DERA: variants seen among roughly 807,000 people sequenced by gnomAD.
DERA encodes the protein 2-deoxy-D-ribose 5-phosphate aldolase.
A neutral mutation model predicts 41.1 loss-of-function variants in DERA; 15 were observed. The observed-to-expected ratio is 0.37, with a 90% CI of 0.24 to 0.56. The LOEUF (loss-of-function observed/expected upper bound fraction) is 0.56, where lower values mean the gene tolerates loss of function less well. Ranked by LOEUF, DERA falls within the 20% of genes least tolerant of loss-of-function variation. The pLI is 0.81. For synonymous variants in DERA, 139 were observed against 137.4 expected, an observed-to-expected ratio of 1.01 and a Z score of -0.08; for missense variants, 396 against 403.4, an observed-to-expected ratio of 0.98 and a Z score of 0.16.
At position 15,982,633 on chromosome 12, in the gene DERA, G is replaced by T. The variant is rs558330093; in HGVS notation, c.637+197G>T. On this transcript the variant is annotated intron_variant, in intron 6 of 8. Transcript: ENST00000428559. This position sits in a 1 kb window ranked among gnomAD's most constrained non-coding sequence, Gnocchi z 4.0. ...CTGGCTTTCTTCCACATTTTTTTTT[G>T]TGTGTGTGTGGCATTTCATTGCTGC... is the stretch of plus-strand genomic sequence containing the variant. Among the ~76,000 whole-genome samples, 77 of 151,764 alleles carry T rather than the reference G, an allele frequency of 5.1e-4. No homozygotes were observed. Among genetic ancestry groups the T allele is most frequent in the Middle Eastern group, 6.8e-3 (2 of 294 alleles).
rs3782550 is a variant in DERA at position 15,965,936 on chromosome 12, G to A, written c.508+2989G>A. Reference sequence around the variant, plus strand: ...CTATCTATTGGGCATTCTTTCTTCCGTGTCATCAGCCTTTCTGCCAGCTCA... The same window carrying A: ...CTATCTATTGGGCATTCTTTCTTCCATGTCATCAGCCTTTCTGCCAGCTCA... On this transcript the variant is annotated intron_variant, in intron 5 of 8. Coordinates refer to ENST00000428559, the MANE Select transcript of DERA (RefSeq NM_015954.4). This position sits in a 1 kb window ranked among gnomAD's most constrained non-coding sequence, Gnocchi z 4.1. Among the ~76,000 whole-genome samples the A allele has an allele frequency of 6.5e-3, 993 of 151,998 alleles. 36 individuals carry two copies. In the East Asian group the frequency reaches 0.091, roughly 14 times the overall value.
chr12:15,973,069 C>A (rs1948674539), intron 5 of DERA, among the ~76,000 whole-genome samples: 2 of 152,070 alleles, frequency 1.3e-5, no homozygotes, highest in African/African-American at 4.8e-5. Flanking sequence ...ACTGACACAG[C>A]CTCACTTGTT....
chr12:15,945,652 T>G (rs1948441750), intron 1 of DERA, among the ~76,000 whole-genome samples: 1 of 152,222 alleles, frequency 6.6e-6, no homozygotes, highest in South Asian at 2.1e-4. Context: ...TTTCTAGATA[T>G]ACAATCGTGT....
rs1034394621 is a variant in DERA, at chr12:15,988,138, C to T, written c.637+5702C>T. 6.6e-6 allele frequency among the ~76,000 whole-genome samples: 1 copy of T among 152,176 alleles called. No homozygotes were observed. The highest frequency in any genetic ancestry group is 6.5e-5 in the Admixed American group (1 of 15,280). ...CCCCAAAGAGGGTGTTACAGCATGTCACAGGCCTAGCTGGGGGAGCCCTGA... is the reference window on the plus strand; with the variant it reads ...CCCCAAAGAGGGTGTTACAGCATGTTACAGGCCTAGCTGGGGGAGCCCTGA... On this transcript the variant is annotated intron_variant, in intron 6 of 8. Coordinates refer to ENST00000428559, the MANE Select transcript of DERA (RefSeq NM_015954.4). This position sits in a 1 kb window ranked among gnomAD's most constrained non-coding sequence, Gnocchi z 6.0.
intron 5 of DERA, among the ~76,000 whole-genome samples, chr12:15,971,276 T>C (rs886519672): frequency 6.6e-6 from 1 of 152,052 alleles, no homozygotes; most frequent in Non-Finnish European, 1.5e-5. Flanking sequence ...TTTCCTCACA[T>C]GTGCTCCTAG....
chr12:15,946,122 C>T (rs1405309522), intron 1 of DERA, among the ~76,000 whole-genome samples: 7 of 152,080 alleles, frequency 4.6e-5, no homozygotes, highest in Admixed American at 6.6e-5. Context: ...CTGCTGGATT[C>T]GGTTTGCCAG....
chr12:15,952,825 T>C (rs1948508693), intron 1 of DERA, among the ~76,000 whole-genome samples: 1 of 152,242 alleles, frequency 6.6e-6, no homozygotes. Flanking sequence ...AAGTAAGCCA[T>C]AGTCAGTCAA....
chr12:16,032,111 T>A (rs1949096498), intron 6 of DERA, among the ~76,000 whole-genome samples: 1 of 152,226 alleles, frequency 6.6e-6, no homozygotes, highest in Non-Finnish European at 1.5e-5. Context: ...TCTTGAGCTG[T>A]CACAACTGTA....
chr12:16,012,309 G>C lies in DERA; in HGVS notation c.638-20233G>C, dbSNP rs541657512. Among the ~76,000 whole-genome samples the C allele has an allele frequency of 7.9e-5, 12 of 152,290 alleles. No homozygotes were observed. In the East Asian group the frequency reaches 2.3e-3, roughly 29 times the overall value. ...AAGCCAGTTCCAGAACAGGATTAAGGGGCCAGCCAGCTGGGCAGTTTCCCA... is the reference window on the plus strand; with the variant it reads ...AAGCCAGTTCCAGAACAGGATTAAGCGGCCAGCCAGCTGGGCAGTTTCCCA... On this transcript the variant is annotated intron_variant, in intron 6 of 8. Coordinates refer to ENST00000428559, the MANE Select transcript of DERA (RefSeq NM_015954.4). The surrounding 1 kb of genome is among the most constrained non-coding windows in gnomAD (Gnocchi z 4.1).
rs998518072 is a variant in DERA, at chr12:15,992,272, T to C, written c.637+9836T>C. ...AGAAGCAAAAAGAAATTTGAAAATTTAGATGCCTCTTTCCAGATGTGCCAA... is the reference window on the plus strand; with the variant it reads ...AGAAGCAAAAAGAAATTTGAAAATTCAGATGCCTCTTTCCAGATGTGCCAA... On this transcript the variant is annotated intron_variant, in intron 6 of 8. Coordinates refer to ENST00000428559, the MANE Select transcript of DERA (RefSeq NM_015954.4). The surrounding 1 kb of genome is among the most constrained non-coding windows in gnomAD (Gnocchi z 4.3). Among the ~76,000 whole-genome samples the C allele has an allele frequency of 3.3e-5, 5 of 152,162 alleles. No homozygotes were observed. Among genetic ancestry groups the C allele is most frequent in the Admixed American group, 2.6e-4 (4 of 15,280 alleles).
At chr12:15,930,422 T>C (rs1235648650) in intron 1 of DERA, among the ~76,000 whole-genome samples, 1 of 152,220 alleles carries the variant, frequency 6.6e-6, no homozygotes, top group Non-Finnish European at 1.5e-5. Context: ...TCCCAAGTTC[T>C]TTTATTTTTC....
chr12:15,949,111 TGGG>T (rs924857214), intron 1 of DERA, among the ~76,000 whole-genome samples: 1 of 152,132 alleles, frequency 6.6e-6, no homozygotes, highest in African/African-American at 2.4e-5. Context: ...CTGCTCCTAC[TGGG>T]GGGTGCCTCC....
At position 15,996,294 on chromosome 12, in the gene DERA, T is replaced by A. The variant is rs1391923304; in HGVS notation, c.637+13858T>A. 6.6e-6 allele frequency among the ~76,000 whole-genome samples: 1 copy of A among 151,830 alleles called. No homozygotes were observed. Among genetic ancestry groups the A allele is most frequent in the African/African-American group, 2.4e-5 (1 of 41,342 alleles). On this transcript the variant is annotated intron_variant, in intron 6 of 8. Transcript: ENST00000428559. This position sits in a 1 kb window ranked among gnomAD's most constrained non-coding sequence, Gnocchi z 4.7. ...GTTTCTTGGGCTCGCTGTAACAGAG[T>A]ACCGCAAATTAGATGGCCTTAAGCA...
rs1316246856 is a variant in DERA at position 16,000,350 on chromosome 12, G to C, written c.637+17914G>C. On this transcript the variant is annotated intron_variant, in intron 6 of 8. Coordinates refer to ENST00000428559, the MANE Select transcript of DERA (RefSeq NM_015954.4). This position sits in a 1 kb window ranked among gnomAD's most constrained non-coding sequence, Gnocchi z 4.8. Reference sequence around the variant, plus strand: ...ACGTTTTTAAGGAAATCTGATGAAGGCTATGAAGGTGAAAGAAAGGCTATT... The same window carrying C: ...ACGTTTTTAAGGAAATCTGATGAAGCCTATGAAGGTGAAAGAAAGGCTATT... Among the ~76,000 whole-genome samples the C allele has an allele frequency of 1.3e-5, 2 of 152,174 alleles. No homozygotes were observed. Among genetic ancestry groups the C allele is most frequent in the African/African-American group, 4.8e-5 (2 of 41,440 alleles).
rs1294512421 is a variant in DERA, at chr12:16,036,609, A to G, written c.901-81A>G. On this transcript the variant is annotated intron_variant, in intron 8 of 8. Transcript: ENST00000428559. The surrounding 1 kb of genome is among the most constrained non-coding windows in gnomAD (Gnocchi z 4.9). ...AATGAAATGTTCATTAAAACTATTT[A>G]TTATTATTTGATAGTATAATTATTA... 1 of 1,119,526 alleles carries G rather than the reference A, an allele frequency of 8.9e-7. No individual in the cohort carries two copies. Among genetic ancestry groups the G allele is most frequent in the East Asian group, 2.6e-5 (1 of 38,136 alleles). The allele number at this position is 1,119,526 out of a possible 1,614,324, so 69.3% of individuals were successfully genotyped here.
chr12:15,956,639 T>C (rs1381316660), intron 1 of DERA: 4 of 444,816 alleles, frequency 9.0e-6, no homozygotes, highest in South Asian at 3.5e-5. Flanking sequence ...TCGTTAGACA[T>C]GTCTGTGTGA....
Position 15,976,108 on chromosome 12 carries a change from A to T in DERA, c.509-6200A>T, listed in dbSNP as rs1312460436. Among the ~76,000 whole-genome samples the T allele has an allele frequency of 2.6e-5, 4 of 152,130 alleles. No individual in the cohort carries two copies. Among genetic ancestry groups the T allele is most frequent in the African/African-American group, 9.7e-5 (4 of 41,420 alleles). The stretch of plus-strand genomic sequence containing the variant: ...AATCTGTCTTAGAACTTACAACTTC[A>T]CACTATAACCTCTATTACACTCCAG... On this transcript the variant is annotated intron_variant, in intron 5 of 8. Transcript: ENST00000428559. The surrounding 1 kb of genome is among the most constrained non-coding windows in gnomAD (Gnocchi z 4.1).
At position 15,922,917 on chromosome 12, in the gene DERA, G is replaced by A. The variant is rs1418488144; in HGVS notation, c.31+11503G>A. Among the ~76,000 whole-genome samples, 1 of 151,976 alleles carries A rather than the reference G, an allele frequency of 6.6e-6. No homozygotes were observed. Among genetic ancestry groups the A allele is most frequent in the African/African-American group, 2.4e-5 (1 of 41,352 alleles). ...GGATGTTGATAATGGGGGAGGCTAT[G>A]CATGTGTGGGGCAAAGCTTGTGTGG... On this transcript the variant is annotated intron_variant, in intron 1 of 8. Coordinates refer to ENST00000428559, the MANE Select transcript of DERA (RefSeq NM_015954.4). The surrounding 1 kb of genome is among the most constrained non-coding windows in gnomAD (Gnocchi z 4.9).
At chr12:15,980,332 C>T (rs919639837) in intron 5 of DERA, among the ~76,000 whole-genome samples, 1 of 152,198 alleles carries the variant, frequency 6.6e-6, no homozygotes, top group African/African-American at 2.4e-5. Flanking sequence ...TTGTCCTACT[C>T]TAAAGCCTGC....
Sources: gnomAD v4.1 joint callset for allele counts (sites outside exome capture counted in the v4.1 genomes callset) on GRCh38, gnomAD v4.1.1 for gene constraint, Gnocchi (gnomAD v3.1) non-coding constraint, MANE v1.5 for transcripts, NCBI Gene and HGNC (gene_info 2026-07-23, HGNC 2026-07-21) for gene names.